Variants in DYNC1H1 observed in about 807,000 individuals in gnomAD.
DYNC1H1 encodes dynein cytoplasmic 1 heavy chain 1.
Under a neutral mutation model 527.1 loss-of-function variants are expected in DYNC1H1, and 51 were observed. That is an observed-to-expected ratio of 0.10 (90% CI 0.08 to 0.12). The LOEUF is 0.12. Ranked by LOEUF, DYNC1H1 falls within the 10% of genes least tolerant of loss-of-function variation. The pLI, the probability that DYNC1H1 is intolerant of heterozygous loss-of-function variation, is 1.00. For synonymous variants in DYNC1H1, 2,189 were observed against 2,278.8 expected, an observed-to-expected ratio of 0.96 and a Z score of 1.12; for missense variants, 2,771 against 5,971.8, an observed-to-expected ratio of 0.46 and a Z score of 17.66.
At position 102,005,419 on chromosome 14, in the gene DYNC1H1, G is replaced by T. The variant is rs1431524576; in HGVS notation, c.5433+183G>T. ...GTCCCTGTTGAAAGGTAATCTCAGG[G>T]GCATGCAGGGGTTACGCGACATCAC... is the stretch of plus-strand genomic sequence containing the variant. On this transcript the variant is annotated intron_variant, in intron 26 of 77. Coordinates refer to ENST00000360184, the MANE Select transcript of DYNC1H1 (RefSeq NM_001376.5). This position sits in a 1 kb window ranked among gnomAD's most constrained non-coding sequence, Gnocchi z 4.0. 2.6e-5 allele frequency among the ~76,000 whole-genome samples: 4 copies of T among 152,320 alleles called. No individual in the cohort carries two copies. The highest frequency in any genetic ancestry group is 2.6e-4 in the Admixed American group (4 of 15,302).
rs2048807882 is a variant in DYNC1H1, at chr14:102,051,331, C to CCTGTGGT, written c.*769_*770insTGTGGTC. On this transcript the variant is annotated 3_prime_UTR_variant, in exon 78 of 78. Transcript: ENST00000360184. ...TTGGGAGGCCGAGGCGGGCGGATCA[C>CCTGTGGT]CAAATTAGCCGGGCATGGTGGCACA... is the stretch of plus-strand genomic sequence containing the variant. The CCTGTGGT allele has an allele frequency of 6.6e-6, 1 of 152,456 alleles. No individual in the cohort carries two copies. The highest frequency in any genetic ancestry group is 2.4e-5 in the African/African-American group (1 of 41,362). The allele number at this position is 152,456 out of a possible 1,614,324, so 9.4% of individuals were successfully genotyped here.
Position 102,012,060 on chromosome 14 carries a change from G to A in DYNC1H1, c.6804G>A (p.Leu2268=). Residue 2268 remains leucine, a synonymous_variant, in exon 33 of 78, where the codon CTG becomes CTA. Coordinates refer to ENST00000360184, the MANE Select transcript of DYNC1H1 (RefSeq NM_001376.5). The surrounding 1 kb of genome is among the most constrained non-coding windows in gnomAD (Gnocchi z 4.9). ...AISKDHLYGT[L]DPNTREWTDG... ...GCAAAGACCACCTCTACGGAACCCTGGACCCCAACACCAGGGAATGGACAG... is the reference window on the plus strand; with the variant it reads ...GCAAAGACCACCTCTACGGAACCCTAGACCCCAACACCAGGGAATGGACAG... The A allele has an allele frequency of 6.2e-7, 1 of 1,614,126 alleles. No homozygotes were observed.
Position 102,049,498 on chromosome 14 carries a change from G to A in DYNC1H1, c.13431G>A (p.Gln4477=). Reference sequence around the variant, plus strand: ...TGCCTGCCGGCATGACCGTCATCCAGTGGGTGTCCGACTTCAGCGAGAGGA... The same window carrying A: ...TGCCTGCCGGCATGACCGTCATCCAATGGGTGTCCGACTTCAGCGAGAGGA... ...YTVPAGMTVI[Q]WVSDFSERIK... Residue 4477 remains glutamine, a synonymous_variant, in exon 75 of 78, where the codon CAG becomes CAA. Coordinates refer to ENST00000360184, the MANE Select transcript of DYNC1H1 (RefSeq NM_001376.5). The surrounding 1 kb of genome is among the most constrained non-coding windows in gnomAD (Gnocchi z 5.5). 6.2e-7 allele frequency: 1 copy of A among 1,614,220 alleles called. No homozygotes were observed. The highest frequency in any genetic ancestry group is 8.5e-7 in the Non-Finnish European group (1 of 1,180,054).
chr14:102,050,283 T>A, intron 77 of DYNC1H1, 85 bp downstream of exon 77: 3 of 1,612,234 alleles, frequency 1.9e-6, no homozygotes, highest in Non-Finnish European at 2.5e-6. Context: ...TATGCCTGGG[T>A]TCCACTTGGA....
Position 102,050,115 on chromosome 14 carries a change from C to T in DYNC1H1, c.13729C>T (p.Leu4577=). 6 of 1,583,608 alleles carry T rather than the reference C, an allele frequency of 3.8e-6. No individual in the cohort carries two copies. Among genetic ancestry groups the T allele is most frequent in the Non-Finnish European group, 5.1e-6 (6 of 1,172,030 alleles). The change falls in exon 77 of 78, where the codon CTG becomes TTG. Residue 4577 remains leucine, a synonymous_variant. Coordinates refer to ENST00000360184, the MANE Select transcript of DYNC1H1 (RefSeq NM_001376.5). The part of the protein sequence containing the change: ...GATCNNNKLS[L]SNAISTALPL... ...CACGTGCAACAACAACAAGCTGTCA[C>T]TGTCCAATGCCATCTCAACCGCCCT...
At chr14:101,973,375 G>A (rs1595594692) in intron 1 of DYNC1H1, among the ~76,000 whole-genome samples, 2 of 152,096 alleles carry the variant, frequency 1.3e-5, no homozygotes. Context: ...GGCCAGGCTG[G>A]TATTGAACTC....
chr14:102,041,584 C>T lies in DYNC1H1; in HGVS notation c.11952C>T (p.Gly3984=). Residue 3984 remains glycine (G), a synonymous_variant, in exon 65 of 78, where the codon GGC becomes GGT. Coordinates refer to ENST00000360184, the MANE Select transcript of DYNC1H1 (RefSeq NM_001376.5). The surrounding 1 kb of genome is among the most constrained non-coding windows in gnomAD (Gnocchi z 4.5). ...CTGTACCTGTTTCAGCACCCATTGGCCAGGCCATCCACCGCCTGCTCCTGA... is the reference window on the plus strand; with the variant it reads ...CTGTACCTGTTTCAGCACCCATTGGTCAGGCCATCCACCGCCTGCTCCTGA... ...WSEETPATPI[G]QAIHRLLLIQ... The T allele has an allele frequency of 2.5e-6, 4 of 1,614,050 alleles. No individual in the cohort carries two copies. Among genetic ancestry groups the T allele is most frequent in the Non-Finnish European group, 3.4e-6 (4 of 1,180,028 alleles).
chr14:102,046,400 G>C (rs2048719151), intron 72 of DYNC1H1, among the ~76,000 whole-genome samples: 1 of 152,212 alleles, frequency 6.6e-6, no homozygotes, highest in Non-Finnish European at 1.5e-5. Context: ...TGGTTAACAG[G>C]ACAGAATCAG....
Position 102,029,884 on chromosome 14 carries a change from C to T in DYNC1H1, c.9708C>T (p.Ala3236=). The T allele has an allele frequency of 6.2e-7, 1 of 1,614,100 alleles. No individual in the cohort carries two copies. Among genetic ancestry groups the T allele is most frequent in the African/African-American group, 1.3e-5 (1 of 75,008 alleles). Residue 3236 remains alanine (A), a synonymous_variant, in exon 50 of 78, where the codon GCC becomes GCT. Coordinates refer to ENST00000360184, the MANE Select transcript of DYNC1H1 (RefSeq NM_001376.5). This position sits in a 1 kb window ranked among gnomAD's most constrained non-coding sequence, Gnocchi z 5.3. ...SQELEVKNAA[A]NDKLKKMVKD... ...AGCTGGAGGTGAAGAATGCAGCAGC[C>T]AATGACAAGCTGAAAAAGATGGTGA...
intron 1 of DYNC1H1, among the ~76,000 whole-genome samples, chr14:101,967,929 A>T (rs183521704): frequency 3.3e-5 from 5 of 152,348 alleles, no homozygotes; most frequent in Admixed American, 3.3e-4. Flanking sequence ...GGAAAAAGGG[A>T]TTAAGTTATA....
Position 102,010,854 on chromosome 14 carries a change from G to A in DYNC1H1, c.6520G>A (p.Glu2174Lys). Reference protein sequence around the residue: ...VFPGVQYHRGEMTALREELKK... With the variant: ...VFPGVQYHRGKMTALREELKK... ...CCCTGGAGTCCAGTATCACAGGGGT[G>A]AGATGACTGCCCTTCGAGAGGAGCT... Residue 2174 changes from glutamate to lysine, a missense_variant, in exon 32 of 78, where the codon GAG becomes AAG. Around this residue, in one of 32 missense-constraint regions of DYNC1H1, gnomAD observed 56 missense variants for 140.6 expected, o/e 0.40. Transcript: ENST00000360184. This position sits in a 1 kb window ranked among gnomAD's most constrained non-coding sequence, Gnocchi z 6.0. 1.2e-6 allele frequency: 2 copies of A among 1,614,276 alleles called. No homozygotes were observed. Among genetic ancestry groups the A allele is most frequent in the Non-Finnish European group, 1.7e-6 (2 of 1,180,050 alleles).
At position 102,044,225 on chromosome 14, in the gene DYNC1H1, G is replaced by C; in HGVS notation, c.12685-49G>C. On this transcript the variant is annotated intron_variant, in intron 70 of 77. Coordinates refer to ENST00000360184, the MANE Select transcript of DYNC1H1 (RefSeq NM_001376.5). This position sits in a 1 kb window ranked among gnomAD's most constrained non-coding sequence, Gnocchi z 7.1. ...TGTGCCCCTCGAAAGGAAGCCCCGG[G>C]CCTGCCCGCCTCTGACCACACACAC... 1 of 1,608,708 alleles carries C rather than the reference G, an allele frequency of 6.2e-7. No homozygotes were observed. Among genetic ancestry groups the C allele is most frequent in the Non-Finnish European group, 8.5e-7 (1 of 1,178,192 alleles).
At chr14:101,968,071 G>A (rs572193009) in intron 1 of DYNC1H1, among the ~76,000 whole-genome samples, 48 of 152,270 alleles carry the variant, frequency 3.2e-4, no homozygotes, top group African/African-American at 9.6e-4. Context: ...TGTTAATGAC[G>A]TTTTTGTAGC....
rs756332386 is a variant in DYNC1H1, at chr14:102,033,245, C to T, written c.10198-24C>T. ...ACCTCTTTTCCTGTCACTTAAATAACAGTTATCAATTGGTTCTTCCCAGCT... is the reference window on the plus strand; with the variant it reads ...ACCTCTTTTCCTGTCACTTAAATAATAGTTATCAATTGGTTCTTCCCAGCT... On this transcript the variant is annotated intron_variant, in intron 53 of 77. Transcript: ENST00000360184. This position sits in a 1 kb window ranked among gnomAD's most constrained non-coding sequence, Gnocchi z 5.6. The T allele has an allele frequency of 6.2e-7, 1 of 1,614,168 alleles. No homozygotes were observed. Among genetic ancestry groups the T allele is most frequent in the Non-Finnish European group, 8.5e-7 (1 of 1,180,024 alleles).
At chr14:101,980,154 A>G (rs925935496) in intron 4 of DYNC1H1, among the ~76,000 whole-genome samples, 180 bp downstream of exon 4, 1 of 152,242 alleles carries the variant, frequency 6.6e-6, no homozygotes, top group Non-Finnish European at 1.5e-5. Flanking sequence ...GTCAGGGGAC[A>G]GTGTGAGATT....
Position 101,986,624 on chromosome 14 carries a change from C to T in DYNC1H1, c.2399C>T (p.Thr800Ile). Residue 800 changes from threonine to isoleucine, a missense_variant, in exon 8 of 78, where the codon ACC (threonine) becomes ATC (isoleucine). Around this residue, in one of 32 missense-constraint regions of DYNC1H1, gnomAD observed 24 missense variants for 19.0 expected, o/e 1.26. Transcript: ENST00000360184. The surrounding 1 kb of genome is among the most constrained non-coding windows in gnomAD (Gnocchi z 8.7). ...RTCEKVEERN[T>I]ISLLVAGLKK... The stretch of plus-strand genomic sequence containing the variant: ...TGCGAGAAGGTGGAGGAGCGGAACA[C>T]CATTTCCCTTTTGGTGGCTGGCTTG... 1 of 1,612,978 alleles carries T rather than the reference C, an allele frequency of 6.2e-7. No homozygotes were observed. The highest frequency in any genetic ancestry group is 8.5e-7 in the Non-Finnish European group (1 of 1,179,030).
Position 102,017,770 on chromosome 14 carries a change from TC to T in DYNC1H1, c.8177+268del. The T allele has an allele frequency of 4.0e-6, 2 of 502,684 alleles. No individual in the cohort carries two copies. Among genetic ancestry groups the T allele is most frequent in the Non-Finnish European group, 7.0e-6 (2 of 284,172 alleles). The allele number at this position is 502,684 out of a possible 1,614,324, so 31.1% of individuals were successfully genotyped here. On this transcript the variant is annotated intron_variant, in intron 40 of 77. Coordinates refer to ENST00000360184, the MANE Select transcript of DYNC1H1 (RefSeq NM_001376.5). This position sits in a 1 kb window ranked among gnomAD's most constrained non-coding sequence, Gnocchi z 4.6. Reference sequence around the variant, plus strand: ...TCACGAGGTCAGGAGATTGAGACCATCCTGGCCAACACAGTGAAACCTCGTC... The same window carrying T: ...TCACGAGGTCAGGAGATTGAGACCATCTGGCCAACACAGTGAAACCTCGTC...
chr14:101,977,472 T>G (rs1250157100), intron 2 of DYNC1H1, among the ~76,000 whole-genome samples: 1 of 152,204 alleles, frequency 6.6e-6, no homozygotes, highest in Non-Finnish European at 1.5e-5. Context: ...TAAATACTTG[T>G]GTGTATTTCC....
At position 102,042,164 on chromosome 14, in the gene DYNC1H1, A is replaced by T. The variant is rs2048659702; in HGVS notation, c.12214+40A>T. On this transcript the variant is annotated intron_variant, in intron 66 of 77. Coordinates refer to ENST00000360184, the MANE Select transcript of DYNC1H1 (RefSeq NM_001376.5). This position sits in a 1 kb window ranked among gnomAD's most constrained non-coding sequence, Gnocchi z 5.7. ...GGGGCTTCATGGGCTGGAGCCCTGC[A>T]GGATTTGTGGTGGGCATTGATGTCC... is the stretch of plus-strand genomic sequence containing the variant. The T allele has an allele frequency of 3.1e-6, 5 of 1,613,824 alleles. No homozygotes were observed. Among genetic ancestry groups the T allele is most frequent in the Non-Finnish European group, 4.2e-6 (5 of 1,179,970 alleles).
Sources: allele counts gnomAD v4.1 joint callset (sites outside exome capture counted in the v4.1 genomes callset), GRCh38; gene constraint gnomAD v4.1.1; regional missense constraint gnomAD v4.1.1; non-coding constraint Gnocchi (gnomAD v3.1); transcripts MANE v1.5; gene names NCBI Gene and HGNC (gene_info 2026-07-23, HGNC 2026-07-21).